Variants in ARID5B observed in about 807,000 individuals in gnomAD.
The protein encoded by ARID5B is AT-rich interactive domain-containing protein 5B.
In ARID5B, 13 loss-of-function variants were observed where a neutral mutation model predicts 97.2. The observed-to-expected ratio is 0.13, with a 90% CI of 0.09 to 0.21. The LOEUF is 0.21. Ranked by LOEUF, ARID5B falls within the 10% of genes least tolerant of loss-of-function variation. The probability of loss-of-function intolerance (pLI) is 1.00; values close to 1 mark genes in which losing one functional copy is unlikely to be tolerated. For missense variants in ARID5B, 1,210 were observed against 1,465.3 expected, an observed-to-expected ratio of 0.83 and a Z score of 2.84; for synonymous variants, 556 against 570.3, an observed-to-expected ratio of 0.97 and a Z score of 0.36.
At chr10:62,055,807 C>G (rs1291269769) in intron 5 of ARID5B, among the ~76,000 whole-genome samples, 1 of 152,158 alleles carries the variant, frequency 6.6e-6, no homozygotes, top group African/African-American at 2.4e-5. Context: ...ATGAAGAACT[C>G]CTGCAGAGAA....
intron 7 of ARID5B, among the ~76,000 whole-genome samples, chr10:62,061,096 G>A (rs752156359): frequency 4.6e-5 from 7 of 152,128 alleles, no homozygotes; most frequent in Admixed American, 1.3e-4. Context: ...TGTGTATGAG[G>A]CATTGTTTTA....
chr10:62,031,771 C>CT (rs56754337), intron 4 of ARID5B, among the ~76,000 whole-genome samples: 4,621 of 152,276 alleles, frequency 0.03, 347 homozygotes, highest in Admixed American at 0.17. Flanking sequence ...CAGCTCCAGT[C>CT]TTCACTGTGT....
chr10:62,070,092 C>T (rs1480442741), intron 8 of ARID5B, among the ~76,000 whole-genome samples: 1 of 150,356 alleles, frequency 6.7e-6, no homozygotes, highest in Non-Finnish European at 1.5e-5. Flanking sequence ...TCTTTAGGCT[C>T]TCTTAACATG....
At chr10:61,915,547 G>T (rs1422792108) in intron 2 of ARID5B, among the ~76,000 whole-genome samples, 4 of 152,198 alleles carry the variant, frequency 2.6e-5, no homozygotes, top group African/African-American at 9.7e-5. Flanking sequence ...GCTGGGCTTG[G>T]CCTTGGTGAA....
At chr10:62,042,388 G>C (rs17216532) in intron 4 of ARID5B, among the ~76,000 whole-genome samples, 3,180 of 152,312 alleles carry the variant, frequency 0.021, 50 homozygotes, top group Non-Finnish European at 0.032. Flanking sequence ...GGAGTTGCCA[G>C]GTAAATGTGA....
chr10:61,958,989 G>A (rs1292496191), intron 3 of ARID5B, among the ~76,000 whole-genome samples: 2 of 152,148 alleles, frequency 1.3e-5, no homozygotes, highest in Non-Finnish European at 2.9e-5. Context: ...CCTACAAATG[G>A]CTGCATTGGC....
intron 4 of ARID5B, among the ~76,000 whole-genome samples, chr10:62,003,177 G>A (rs1839103197): frequency 6.6e-6 from 1 of 152,120 alleles, no homozygotes; most frequent in Non-Finnish European, 1.5e-5. Context: ...TGTTCAAAAG[G>A]TAAATAAAAC....
intron 2 of ARID5B, among the ~76,000 whole-genome samples, chr10:61,929,460 A>C (rs1378557556): frequency 6.6e-6 from 1 of 152,146 alleles, no homozygotes; most frequent in Non-Finnish European, 1.5e-5. Context: ...TGATAAGAAA[A>C]GTTCATGTTC....
At chr10:61,929,014 T>C (rs4614389) in intron 2 of ARID5B, among the ~76,000 whole-genome samples, 128,449 of 152,110 alleles carry the variant, frequency 0.84, 54,419 homozygotes, top group African/African-American at 0.89. Context: ...CCCGTCTCCA[T>C]TGGTGCACAC....
intron 3 of ARID5B, among the ~76,000 whole-genome samples, chr10:61,946,115 A>G (rs1765822024): frequency 6.6e-6 from 1 of 150,502 alleles, no homozygotes; most frequent in South Asian, 2.1e-4. Context: ...ATCCTCCTGA[A>G]AATTCTGTCA....
chr10:61,918,168 G>A (rs1167832031), intron 2 of ARID5B, among the ~76,000 whole-genome samples: 4 of 152,178 alleles, frequency 2.6e-5, no homozygotes, highest in African/African-American at 7.2e-5. Context: ...ATCTGAAGGC[G>A]GTGCTGCTGA....
chr10:61,927,809 T>A (rs551107782), intron 2 of ARID5B, among the ~76,000 whole-genome samples: 10 of 152,178 alleles, frequency 6.6e-5, no homozygotes, highest in African/African-American at 2.4e-4. Context: ...TCAGAGAAAA[T>A]AAAGGATATT....
chr10:61,941,651 C>CTG (rs1249375065), intron 3 of ARID5B, among the ~76,000 whole-genome samples: 1 of 152,010 alleles, frequency 6.6e-6, no homozygotes, highest in Non-Finnish European at 1.5e-5. Flanking sequence ...ATGAGCTGTG[C>CTG]TGTGTTTTGG....
At chr10:61,939,647 C>T (rs1359902931) in intron 2 of ARID5B, among the ~76,000 whole-genome samples, 1 of 152,168 alleles carries the variant, frequency 6.6e-6, no homozygotes, top group Non-Finnish European at 1.5e-5. Context: ...TTTGGGATTA[C>T]ATCACAGTTT....
At chr10:61,951,267 C>T (rs780288130) in intron 3 of ARID5B, among the ~76,000 whole-genome samples, 3 of 152,182 alleles carry the variant, frequency 2.0e-5, no homozygotes, top group Non-Finnish European at 4.4e-5. Flanking sequence ...AGGGGCTGAG[C>T]AAATAGTGCT....
intron 4 of ARID5B, among the ~76,000 whole-genome samples, chr10:62,016,782 A>G (rs972345704): frequency 2.0e-5 from 3 of 152,218 alleles, no homozygotes; most frequent in African/African-American, 7.2e-5. Context: ...TCCTGTTAGT[A>G]TAAATATTTG....
intron 6 of ARID5B, 59 bp downstream of exon 6, chr10:62,057,377 A>C (rs1228729401): frequency 1.3e-6 from 2 of 1,513,212 alleles, no homozygotes; most frequent in Non-Finnish European, 1.8e-6. Flanking sequence ...TTTGAATTGG[A>C]AAAAATAATT....
intron 4 of ARID5B, among the ~76,000 whole-genome samples, chr10:62,020,804 T>C (rs1218145802): frequency 1.3e-5 from 2 of 152,032 alleles, no homozygotes; most frequent in Middle Eastern, 3.4e-3. Flanking sequence ...AATGGGTGAA[T>C]ATTACGAACT....
intron 3 of ARID5B, among the ~76,000 whole-genome samples, chr10:61,943,529 T>C (rs900686207): frequency 2.0e-5 from 3 of 149,578 alleles, no homozygotes; most frequent in Non-Finnish European, 4.5e-5. Context: ...CACCTTTCTA[T>C]GGATAAAGTA....
Sources: allele counts gnomAD v4.1 joint callset (sites outside exome capture counted in the v4.1 genomes callset), GRCh38; gene constraint gnomAD v4.1.1; transcripts MANE v1.5; gene names NCBI Gene and HGNC (gene_info 2026-07-23, HGNC 2026-07-21).